The following NUP85 variants were observed in gnomAD, a reference collection of about 807,000 sequenced individuals.
The protein encoded by NUP85 is nucleoporin 85.
In NUP85, 23 loss-of-function variants were observed where a neutral mutation model predicts 92.8. The observed-to-expected ratio is 0.25, with a 90% CI of 0.18 to 0.35. The LOEUF is 0.35. Ranked by LOEUF, NUP85 falls within the 10% of genes least tolerant of loss-of-function variation. The probability of loss-of-function intolerance (pLI) is 1.00; values close to 1 mark genes in which losing one functional copy is unlikely to be tolerated. For synonymous variants in NUP85, 314 were observed against 306.9 expected (o/e 1.02, Z -0.24); for missense variants, 759 against 822.8 (o/e 0.92, Z 0.95).
rs1568071585 is a variant in NUP85, at chr17:75,213,862, G to GGTTTTTTTTTTTTTTTTTT, written c.405+743_405+744insGTTTTTTTTTTTTTTTTTT. ...AGCTGCCACACCTGGCAAAACTCAA[G>GGTTTTTTTTTTTTTTTTTT]TTTTTTTTTTTTTTTTTTTTTTTTT... On this transcript the variant is annotated intron_variant, in intron 5 of 18. Transcript: ENST00000245544. Among the ~76,000 whole-genome samples, 3 of 122,014 alleles carry GGTTTTTTTTTTTTTTTTTT rather than the reference G, an allele frequency of 2.5e-5. 1 individual carries two copies. Among genetic ancestry groups the GGTTTTTTTTTTTTTTTTTT allele is most frequent in the Non-Finnish European group, 5.1e-5 (3 of 58,526 alleles). The allele number at this position is 122,014 out of a possible 152,430, so 80.0% of individuals were successfully genotyped here. A position where few individuals can be genotyped will look rare whatever the true frequency, so the allele number is the denominator to read the frequency against.
intron 1 of NUP85, among the ~76,000 whole-genome samples, chr17:75,207,314 G>T (rs8066053): frequency 0.05 from 7,591 of 152,070 alleles, 266 homozygotes; most frequent in Non-Finnish European, 0.074. Context: ...CTCCTGAGTA[G>T]CTGGGATTGC....
At chr17:75,212,575 T>A (rs1474405607) in intron 4 of NUP85, among the ~76,000 whole-genome samples, 1 of 150,980 alleles carries the variant, frequency 6.6e-6, no homozygotes, top group Non-Finnish European at 1.5e-5. Context: ...TGGGCTCAAG[T>A]GATCTTCCTA....
At chr17:75,215,410 A>T (rs998167439) in intron 5 of NUP85, among the ~76,000 whole-genome samples, 18 of 152,132 alleles carry the variant, frequency 1.2e-4, no homozygotes, top group African/African-American at 4.3e-4. Flanking sequence ...GGATCTTGCC[A>T]TGTTGCTCAA....
intron 1 of NUP85, 130 bp downstream of exon 1, chr17:75,205,924 T>A: frequency 5.6e-6 from 6 of 1,064,072 alleles, no homozygotes; most frequent in East Asian, 2.6e-5. Flanking sequence ...CAGTTGCCAC[T>A]TTTCCGGAGG....
intron 5 of NUP85, among the ~76,000 whole-genome samples, chr17:75,215,030 G>T (rs1482934829): frequency 1.3e-5 from 2 of 151,824 alleles, no homozygotes; most frequent in African/African-American, 4.8e-5. Context: ...AATTAGCTGG[G>T]CATGGTGGCA....
At chr17:75,225,513 T>C in intron 9 of NUP85, 49 bp downstream of exon 9, 6 of 1,600,032 alleles carry the variant, frequency 3.7e-6, no homozygotes, top group Non-Finnish European at 5.1e-6. Context: ...CTATGGGGGC[T>C]GTGGCATCCA....
At chr17:75,214,597 G>A (rs1024812471) in intron 5 of NUP85, among the ~76,000 whole-genome samples, 8 of 152,174 alleles carry the variant, frequency 5.3e-5, no homozygotes, top group African/African-American at 1.7e-4. Context: ...AGTGGCTCAC[G>A]CCTGTAATCC....
chr17:75,230,325 G>A (rs1180231960), intron 11 of NUP85, among the ~76,000 whole-genome samples: 1 of 150,894 alleles, frequency 6.6e-6, no homozygotes, highest in Non-Finnish European at 1.5e-5. Flanking sequence ...ACAGGAATGA[G>A]CCACTGCACC....
chr17:75,218,448 T>TCTTC, intron 7 of NUP85, 142 bp downstream of exon 7: 2 of 963,944 alleles, frequency 2.1e-6, no homozygotes, highest in Non-Finnish European at 3.1e-6. Context: ...TTGGATCTTT[T>TCTTC]CTTCCCTGCT....
At chr17:75,227,040 A>G (rs2075822993) in intron 11 of NUP85, 2 of 193,856 alleles carry the variant, frequency 1.0e-5, no homozygotes, top group South Asian at 1.7e-4. Flanking sequence ...AACTCTCCAT[A>G]TATGGTAAGT....
At chr17:75,206,875 T>C (rs986268606) in intron 1 of NUP85, among the ~76,000 whole-genome samples, 2 of 151,640 alleles carry the variant, frequency 1.3e-5, no homozygotes, top group Non-Finnish European at 2.9e-5. Flanking sequence ...TTTTTTGTAC[T>C]TTTTTGTATT....
chr17:75,220,878 ATTTTTT>A (rs71159457), intron 7 of NUP85, among the ~76,000 whole-genome samples: 2 of 97,564 alleles, frequency 2.0e-5, no homozygotes, highest in African/African-American at 4.1e-5. Flanking sequence ...CACCATCCCA[ATTTTTT>A]TTTTTTTTTT....
intron 9 of NUP85, 36 bp from the exon 10 acceptor site, chr17:75,225,662 A>C (rs778083757): frequency 6.2e-7 from 1 of 1,612,356 alleles, no homozygotes; most frequent in South Asian, 1.1e-5. Context: ...TACCCCTGAG[A>C]GGAGGACAGA....
intron 1 of NUP85, 44 bp from the exon 2 acceptor site, chr17:75,208,480 TAAG>T: frequency 4.2e-6 from 4 of 944,000 alleles, no homozygotes; most frequent in Non-Finnish European, 6.7e-6. Flanking sequence ...ACAACTTCAG[TAAG>T]AAGAACATTT....
chr17:75,230,128 C>CG (rs1324516056), intron 11 of NUP85, among the ~76,000 whole-genome samples: 1 of 151,742 alleles, frequency 6.6e-6, no homozygotes, highest in Non-Finnish European at 1.5e-5. Flanking sequence ...ACTGCAGCCT[C>CG]TGCCTCCTGG....
At chr17:75,229,491 G>C (rs2075957608) in intron 11 of NUP85, among the ~76,000 whole-genome samples, 1 of 152,158 alleles carries the variant, frequency 6.6e-6, no homozygotes, top group East Asian at 1.9e-4. Flanking sequence ...CTGATAATTA[G>C]GCCTTTCTTG....
At chr17:75,226,927 C>T (rs958866882) in intron 11 of NUP85, 5 of 285,998 alleles carry the variant, frequency 1.7e-5, no homozygotes, top group Non-Finnish European at 2.8e-5. Context: ...TTCAGAATTT[C>T]CAGCCCTCTA....
intron 7 of NUP85, among the ~76,000 whole-genome samples, chr17:75,219,372 G>T (rs1380261856): frequency 6.6e-6 from 1 of 152,010 alleles, no homozygotes; most frequent in South Asian, 2.1e-4. Flanking sequence ...GATTTCCTGG[G>T]CTCAAGCAAT....
chr17:75,217,306 C>T (rs979747947), intron 6 of NUP85, among the ~76,000 whole-genome samples: 2 of 151,740 alleles, frequency 1.3e-5, no homozygotes, highest in African/African-American at 2.4e-5. Flanking sequence ...GCAGTCTGCC[C>T]ATCTTGGCCT....
Sources: gnomAD v4.1 joint callset for allele counts (sites outside exome capture counted in the v4.1 genomes callset) on GRCh38, gnomAD v4.1.1 for gene constraint, MANE v1.5 for transcripts, NCBI Gene and HGNC (gene_info 2026-07-23, HGNC 2026-07-21) for gene names.